The following C1orf159 variants were observed in gnomAD, a reference collection of about 807,000 sequenced individuals.
C1orf159 encodes the protein uncharacterized protein C1orf159.
A neutral mutation model predicts 25.6 loss-of-function variants in C1orf159; 19 were observed. That is an observed-to-expected ratio of 0.74 (90% CI 0.52 to 1.09). The LOEUF (loss-of-function observed/expected upper bound fraction) is 1.09. Ranked by LOEUF, C1orf159 falls within the 50% of genes least tolerant of loss-of-function variation. The pLI is 0.00. For synonymous variants in C1orf159, 139 were observed against 124.7 expected, an observed-to-expected ratio of 1.12 and a Z score of -0.77; for missense variants, 274 against 290.6, an observed-to-expected ratio of 0.94 and a Z score of 0.42.
At chr1:1,108,449 A>AG (rs1646209115) in intron 1 of C1orf159, among the ~76,000 whole-genome samples, 1 of 29,272 alleles carries the variant, frequency 3.4e-5, no homozygotes. Context: ...CCATGTCTCG[A>AG]CACCGTTCAC....
chr1:1,094,743 G>A (rs912607179), intron 1 of C1orf159, among the ~76,000 whole-genome samples: 9 of 152,078 alleles, frequency 5.9e-5, no homozygotes, highest in African/African-American at 2.2e-4. Context: ...AAGAGCAAAT[G>A]TTTTTAATTT....
rs1469691973 is a variant in C1orf159, at chr1:1,085,954, G to A, written c.369C>T (p.Leu123=). 3 of 1,613,348 alleles carry A rather than the reference G, an allele frequency of 1.9e-6. No individual in the cohort carries two copies. The highest frequency in any genetic ancestry group is 1.3e-5 in the African/African-American group (1 of 74,922). Residue 123 remains leucine, a synonymous_variant, in exon 7 of 10, where the codon CTC becomes CTT. Coordinates refer to ENST00000421241, the MANE Select transcript of C1orf159 (RefSeq NM_017891.5). ...FLGTFFISSG[L]ILSVAGFFYL... Reference sequence around the variant, plus strand: ...AGAAGAACCCAGCTACGGAGAGGATGAGGCCGGAGCTAATGAAGAACGTGC... The same window carrying A: ...AGAAGAACCCAGCTACGGAGAGGATAAGGCCGGAGCTAATGAAGAACGTGC...
intron 1 of C1orf159, among the ~76,000 whole-genome samples, chr1:1,101,888 A>G (rs943257306): frequency 6.6e-6 from 1 of 152,022 alleles, no homozygotes; most frequent in Non-Finnish European, 1.5e-5. Context: ...CCTGGCCAAC[A>G]TGGAGAAACC....
In C1orf159 at chr1:1,089,951, C is replaced by T. The variant is rs530821914; in HGVS notation, c.148+402G>A. 1.3e-4 allele frequency among the ~76,000 whole-genome samples: 20 copies of T among 152,350 alleles called. No homozygotes were observed. Among genetic ancestry groups the T allele is most frequent in the Non-Finnish European group, 2.4e-4 (16 of 68,028 alleles). ...TCCTGTTGATTGGCATTCCACTCCA[C>T]GCACCAGGGGCCAGCAGCACCTCTG... On this transcript the variant is annotated intron_variant, in intron 4 of 9. Coordinates refer to ENST00000421241, the MANE Select transcript of C1orf159 (RefSeq NM_017891.5). This position sits in a 1 kb window ranked among gnomAD's most constrained non-coding sequence, Gnocchi z 7.5.
At chr1:1,108,456 T>C (rs867060257) in intron 1 of C1orf159, among the ~76,000 whole-genome samples, 12 of 48,606 alleles carry the variant, frequency 2.5e-4, no homozygotes, top group East Asian at 6.6e-4. Context: ...TCGACACCGT[T>C]CACCACAGCC....
At chr1:1,092,168 A>ACGGTGCGGGGTCTGGGTC (rs1645949640) in intron 1 of C1orf159, 65 bp from the exon 2 acceptor site, 3 of 352,810 alleles carry the variant, frequency 8.5e-6, no homozygotes, top group South Asian at 2.1e-5. Flanking sequence ...GCCGTGGCCT[A>ACGGTGCGGGGTCTGGGTC]CGGTGCGGGG....
At chr1:1,083,373 A>G (rs1468957858) in intron 9 of C1orf159, 1 of 218,922 alleles carries the variant, frequency 4.6e-6, no homozygotes, top group Non-Finnish European at 9.1e-6. Flanking sequence ...GCAGGGGGTT[A>G]CGTCAGGGTC....
At chr1:1,092,674 G>C (rs1645958047) in intron 1 of C1orf159, 1 of 152,766 alleles carries the variant, frequency 6.5e-6, no homozygotes, top group Non-Finnish European at 1.5e-5. Flanking sequence ...GGCCCTGGAG[G>C]ACACAGCTCC....
chr1:1,099,622 G>T (rs1187248307), intron 1 of C1orf159, among the ~76,000 whole-genome samples: 2 of 151,800 alleles, frequency 1.3e-5, no homozygotes, highest in Admixed American at 1.3e-4. Context: ...ATTGTTCTAA[G>T]AATTGGAGAG....
chr1:1,087,402 G>A lies in C1orf159; in HGVS notation c.244+100C>T. ...TCCCGGGGCTGTTCCCCAGTGGACA[G>A]TGGCTCTGGGGCAAGGTGGGGACAC... On this transcript the variant is annotated intron_variant, in intron 5 of 9. Coordinates refer to ENST00000421241, the MANE Select transcript of C1orf159 (RefSeq NM_017891.5). This position sits in a 1 kb window ranked among gnomAD's most constrained non-coding sequence, Gnocchi z 8.3. 1.6e-6 allele frequency: 2 copies of A among 1,266,342 alleles called. No individual in the cohort carries two copies. Among genetic ancestry groups the A allele is most frequent in the Non-Finnish European group, 2.2e-6 (2 of 918,014 alleles). 78.4% of individuals were successfully genotyped at this position (1,266,342 alleles called of 1,614,324 possible). A position where few individuals can be genotyped will look rare whatever the true frequency, so the allele number is the denominator to read the frequency against.
At chr1:1,112,722 A>G (rs1557439239) in intron 1 of C1orf159, among the ~76,000 whole-genome samples, 1 of 152,240 alleles carries the variant, frequency 6.6e-6, no homozygotes, top group Non-Finnish European at 1.5e-5. Flanking sequence ...CCCACCCTGA[A>G]GAAGGATCAG....
rs1161203893 is a variant in C1orf159 at position 1,090,722 on chromosome 1, C to T, written c.73-294G>A. ...CGGCACCCGCAGGCCATGGCAGCGCCACCGACATTCTCTGCAAGTCTCCGG... is the reference window on the plus strand; with the variant it reads ...CGGCACCCGCAGGCCATGGCAGCGCTACCGACATTCTCTGCAAGTCTCCGG... On this transcript the variant is annotated intron_variant, in intron 3 of 9. Coordinates refer to ENST00000421241, the MANE Select transcript of C1orf159 (RefSeq NM_017891.5). The T allele has an allele frequency of 9.0e-6, 7 of 775,380 alleles. No individual in the cohort carries two copies. The East Asian group carries it at 1.1e-4, about 12-fold the overall frequency. 48.0% of individuals were successfully genotyped at this position (775,380 alleles called of 1,614,324 possible). A position where few individuals can be genotyped will look rare whatever the true frequency, so the allele number is the denominator to read the frequency against.
At chr1:1,091,339 C>A (rs1024549514) in intron 3 of C1orf159, 133 bp downstream of exon 3, 2 of 888,294 alleles carry the variant, frequency 2.3e-6, no homozygotes, top group Admixed American at 2.1e-5. Context: ...CAGCAGTGGA[C>A]CTGGTCAGCA....
rs753469584 is a variant in C1orf159 at position 1,084,370 on chromosome 1, G to A, written c.485C>T (p.Pro162Leu). ...LQPGEAAAMIPPPQSSVRKPR... is the reference protein window; with the variant it reads ...LQPGEAAAMILPPQSSVRKPR... ...GCTGTTACCTGAGGACTGTGGCGGG[G>A]GGATCATTGCAGCCTTGAAAAGGAG... Residue 162 changes from proline to leucine, a missense_variant, in exon 9 of 10, where the codon CCC becomes CTC. Physicochemically the swap from Pro to Leu is moderately conservative, Grantham distance 98. Transcript: ENST00000421241. 2 of 1,567,456 alleles carry A rather than the reference G, an allele frequency of 1.3e-6. No homozygotes were observed. Among genetic ancestry groups the A allele is most frequent in the East Asian group, 4.5e-5 (2 of 44,232 alleles).
chr1:1,091,664 G>C (rs578221188), intron 2 of C1orf159, 99 bp from the exon 3 acceptor site: 8 of 860,052 alleles, frequency 9.3e-6, no homozygotes, highest in African/African-American at 8.4e-5. Flanking sequence ...TGTTGGGGGG[G>C]TGCGGGCCAA....
At position 1,091,318 on chromosome 1, in the gene C1orf159, C is replaced by A. The variant is rs1645929738; in HGVS notation, c.72+154G>T. On this transcript the variant is annotated intron_variant, in intron 3 of 9. Transcript: ENST00000421241. ...GGGCTCCCCTCTGCGAGGCACAGGC[C>A]CCTCTGACCCCAGCAGTGGACCTGG... 5.1e-6 allele frequency: 4 copies of A among 783,782 alleles called. No individual in the cohort carries two copies. In the East Asian group the frequency reaches 1.1e-4, roughly 21 times the overall value. 48.6% of individuals were successfully genotyped at this position (783,782 alleles called of 1,614,324 possible).
intron 1 of C1orf159, among the ~76,000 whole-genome samples, chr1:1,115,332 G>C (rs1253677572): frequency 6.6e-6 from 1 of 152,144 alleles, no homozygotes; most frequent in African/African-American, 2.4e-5. Flanking sequence ...GTGACAAACG[G>C]ACAAAAACAA....
chr1:1,084,300 G>C (rs1557744672), intron 9 of C1orf159, 53 bp downstream of exon 9: 3 of 1,525,234 alleles, frequency 2.0e-6, no homozygotes, highest in Middle Eastern at 1.8e-4. Flanking sequence ...GAGCACCCTG[G>C]GACTGGCCCA....
rs567780954 is a variant in C1orf159, at chr1:1,091,388, G to A, written c.72+84C>T. The A allele has an allele frequency of 1.2e-4, 147 of 1,264,528 alleles. 1 individual carries two copies. The African/African-American group carries it at 1.7e-3, about 15-fold the overall frequency. The allele number at this position is 1,264,528 out of a possible 1,614,324, so 78.3% of individuals were successfully genotyped here. On this transcript the variant is annotated intron_variant, in intron 3 of 9. Coordinates refer to ENST00000421241, the MANE Select transcript of C1orf159 (RefSeq NM_017891.5). ...GACATCAGTGTCCTAAAGGTGGAAG[G>A]GTTAGACCCTCTAGGGGAAGGGCCC...
Sources: allele counts gnomAD v4.1 joint callset (sites outside exome capture counted in the v4.1 genomes callset), GRCh38; gene constraint gnomAD v4.1.1; non-coding constraint Gnocchi (gnomAD v3.1); transcripts MANE v1.5; gene names NCBI Gene and HGNC (gene_info 2026-07-23, HGNC 2026-07-21).